KDM4C: variants seen among roughly 807,000 people sequenced by gnomAD.
KDM4C encodes lysine-specific demethylase 4C.
In KDM4C, 81 loss-of-function variants were observed where a neutral mutation model predicts 129.3. The observed-to-expected ratio is 0.63, with a 90% CI of 0.52 to 0.75. The LOEUF is 0.75. Ranked by LOEUF, KDM4C falls within the 30% of genes least tolerant of loss-of-function variation. The pLI, the probability that KDM4C is intolerant of heterozygous loss-of-function variation, is 0.00. For missense variants in KDM4C, 1,457 were observed against 1,304.0 expected, an observed-to-expected ratio of 1.12 and a Z score of -1.81; for synonymous variants, 573 against 456.1, an observed-to-expected ratio of 1.26 and a Z score of -3.26.
intron 5 of KDM4C, among the ~76,000 whole-genome samples, chr9:6,876,313 G>A (rs2130727412): frequency 6.6e-6 from 1 of 152,280 alleles, no homozygotes; most frequent in East Asian, 1.9e-4. Flanking sequence ...ATATGACTCA[G>A]TTGCTGCATT....
Position 6,981,044 on chromosome 9 carries a change from G to A in KDM4C, c.1041G>A (p.Lys347=). 2 of 1,613,832 alleles carry A rather than the reference G, an allele frequency of 1.2e-6. No individual in the cohort carries two copies. The highest frequency in any genetic ancestry group is 1.7e-6 in the Non-Finnish European group (2 of 1,179,826). The part of the protein sequence containing the change: ...GKDIYTIDHT[K]PTPASTPEVK... ...ATATATACACCATTGATCACACGAA[G>A]CCTACTCCAGCATCCACCCCTGAAG... The change falls in exon 9 of 22, where the codon AAG becomes AAA. Residue 347 remains lysine, a synonymous_variant. Coordinates refer to ENST00000381309, the MANE Select transcript of KDM4C (RefSeq NM_015061.6).
At chr9:7,106,459 C>T (rs1045141575) in intron 18 of KDM4C, among the ~76,000 whole-genome samples, 1 of 152,158 alleles carries the variant, frequency 6.6e-6, no homozygotes, top group Non-Finnish European at 1.5e-5. Context: ...AGTTGTTTTA[C>T]AGAATAATGG....
intron 4 of KDM4C, among the ~76,000 whole-genome samples, chr9:6,817,646 G>A (rs537053679): frequency 3.1e-4 from 47 of 151,980 alleles, no homozygotes; most frequent in Admixed American, 2.3e-3. Context: ...TAATCTCTAT[G>A]TTGAGAATGT....
At chr9:7,133,871 G>A (rs1014268997) in intron 19 of KDM4C, among the ~76,000 whole-genome samples, 1 of 152,140 alleles carries the variant, frequency 6.6e-6, no homozygotes, top group Non-Finnish European at 1.5e-5. Context: ...CTCTACTGTG[G>A]GATCCCGGGA....
intron 15 of KDM4C, among the ~76,000 whole-genome samples, chr9:7,026,684 A>G (rs960868814): frequency 6.6e-6 from 1 of 151,944 alleles, no homozygotes; most frequent in African/African-American, 2.4e-5. Flanking sequence ...TTCTACCCTC[A>G]TCTGTTTCTC....
At chr9:7,040,208 C>G (rs996795381) in intron 15 of KDM4C, among the ~76,000 whole-genome samples, 2 of 151,998 alleles carry the variant, frequency 1.3e-5, no homozygotes, top group Admixed American at 6.6e-5. Flanking sequence ...TTACATTTTA[C>G]TTCTTCATAT....
intron 19 of KDM4C, among the ~76,000 whole-genome samples, chr9:7,153,458 G>C (rs1419155480): frequency 3.3e-5 from 5 of 152,084 alleles, no homozygotes; most frequent in East Asian, 3.9e-4. Context: ...CCTTACACTG[G>C]GGGGTATTGA....
chr9:7,012,011 C>T (rs1263155580), intron 13 of KDM4C, 132 bp downstream of exon 13: 2 of 667,936 alleles, frequency 3.0e-6, no homozygotes, highest in Non-Finnish European at 5.1e-6. Context: ...TAGCTGATGG[C>T]TTTCATAGAA....
chr9:6,785,632 T>C (rs1825330856), intron 1 of KDM4C, among the ~76,000 whole-genome samples: 1 of 152,232 alleles, frequency 6.6e-6, no homozygotes, highest in Non-Finnish European at 1.5e-5. Flanking sequence ...CCACTGCGCC[T>C]GGCTTCTTCT....
At chr9:6,875,802 G>C (rs1175134644) in intron 5 of KDM4C, among the ~76,000 whole-genome samples, 1 of 152,164 alleles carries the variant, frequency 6.6e-6, no homozygotes, top group African/African-American at 2.4e-5. Flanking sequence ...AAAATGCCTT[G>C]AGTTCTTCCT....
chr9:6,796,645 T>G (rs1047876251), intron 2 of KDM4C, among the ~76,000 whole-genome samples: 1 of 152,170 alleles, frequency 6.6e-6, no homozygotes, highest in African/African-American at 2.4e-5. Flanking sequence ...GAACTATGAT[T>G]ACAAAACACA....
Position 6,814,652 on chromosome 9 carries a change from G to T in KDM4C, c.342G>T (p.Leu114Phe), listed in dbSNP as rs755128990. Residue 114 changes from leucine to phenylalanine, a missense_variant, in exon 4 of 22, where the codon TTG (leucine) becomes TTT (phenylalanine). By Grantham distance (22) the Leu-to-Phe change is conservative. Coordinates refer to ENST00000381309, the MANE Select transcript of KDM4C (RefSeq NM_015061.6). ...ACAGATATTGTACTCCAAGATACTT[G>T]GATTACGAAGATTTGGAGCGCAAGT... ...NSGKYCTPRYLDYEDLERKYW... is the reference protein window; with the variant it reads ...NSGKYCTPRYFDYEDLERKYW... The T allele has an allele frequency of 1.2e-6, 2 of 1,604,330 alleles. No individual in the cohort carries two copies. The highest frequency in any genetic ancestry group is 1.7e-6 in the Non-Finnish European group (2 of 1,175,064).
intron 17 of KDM4C, among the ~76,000 whole-genome samples, chr9:7,072,193 A>T (rs1214985269): frequency 6.6e-6 from 1 of 152,196 alleles, no homozygotes; most frequent in African/African-American, 2.4e-5. Flanking sequence ...AATGCTTATA[A>T]ATTGCTTGTG....
chr9:6,991,871 T>C (rs973752765), intron 12 of KDM4C, among the ~76,000 whole-genome samples: 1 of 152,060 alleles, frequency 6.6e-6, no homozygotes, highest in African/African-American at 2.4e-5. Context: ...CCCTGTATCA[T>C]AAAAAAGTAA....
At chr9:6,937,472 C>T (rs78383317) in intron 8 of KDM4C, among the ~76,000 whole-genome samples, 12,567 of 151,988 alleles carry the variant, frequency 0.083, 729 homozygotes, top group African/African-American at 0.16. Flanking sequence ...ATTTATTCTT[C>T]CTATGTGTAA....
At chr9:7,013,716 T>A in intron 13 of KDM4C, 72 bp from the exon 14 acceptor site, 1 of 1,405,468 alleles carries the variant, frequency 7.1e-7, no homozygotes, top group Non-Finnish European at 9.9e-7. Context: ...CAGGAGTTAG[T>A]GGATTTGAGT....
chr9:6,787,994 C>G (rs1825823404), intron 1 of KDM4C, among the ~76,000 whole-genome samples: 1 of 152,218 alleles, frequency 6.6e-6, no homozygotes, highest in African/African-American at 2.4e-5. Flanking sequence ...GAGTTCCAGC[C>G]ACACGCATCT....
At chr9:6,943,933 G>A (rs184519595) in intron 8 of KDM4C, among the ~76,000 whole-genome samples, 106 of 152,266 alleles carry the variant, frequency 7.0e-4, no homozygotes, top group Non-Finnish European at 3.1e-4. Context: ...ATGCCTTGCT[G>A]CCAGGAGATC....
At position 7,013,934 on chromosome 9, in the gene KDM4C, C is replaced by A; in HGVS notation, c.2115C>A (p.Ala705=). The change falls in exon 14 of 22, where the codon GCC becomes GCA. Residue 705 remains alanine (A), a synonymous_variant. Coordinates refer to ENST00000381309, the MANE Select transcript of KDM4C (RefSeq NM_015061.6). Reference sequence around the variant, plus strand: ...ATATAGAATATTCTCCACCCAATGCCTTCCTTGAAGAGGATGGAACAAGTC... The same window carrying A: ...ATATAGAATATTCTCCACCCAATGCATTCCTTGAAGAGGATGGAACAAGTC... ...EENIEYSPPN[A]FLEEDGTSLL... The A allele has an allele frequency of 6.2e-7, 1 of 1,614,038 alleles. No homozygotes were observed. Among genetic ancestry groups the A allele is most frequent in the African/African-American group, 1.3e-5 (1 of 75,052 alleles).
Sources: allele counts gnomAD v4.1 joint callset (sites outside exome capture counted in the v4.1 genomes callset), GRCh38; gene constraint gnomAD v4.1.1; transcripts MANE v1.5; gene names NCBI Gene and HGNC (gene_info 2026-07-23, HGNC 2026-07-21).